Variants in DDHD1 observed in about 807,000 individuals in gnomAD.
DDHD1 encodes the protein phospholipase DDHD1.
DDHD1 carries 49 observed loss-of-function variants against 96.4 expected under a neutral mutation model. The ratio of observed to expected loss-of-function variants is 0.51; its 90% CI spans 0.40 to 0.64. The LOEUF (loss-of-function observed/expected upper bound fraction) is 0.64, where lower values mean the gene tolerates loss of function less well. DDHD1 is among the 30% of genes least tolerant of loss of function. DDHD1 has a pLI of 0.00. For missense variants in DDHD1, 1,106 were observed against 1,161.2 expected (o/e 0.95, Z 0.69); for synonymous variants, 442 against 446.5 (o/e 0.99, Z 0.13).
intron 1 of DDHD1, 50 bp downstream of exon 1, chr14:53,152,211 G>C (rs985039045): frequency 3.4e-5 from 52 of 1,514,450 alleles, no homozygotes; most frequent in Non-Finnish European, 4.4e-5. Context: ...GGTGCGCATC[G>C]GCCCATGCAG....
intron 4 of DDHD1, 45 bp from the exon 5 acceptor site, chr14:53,073,892 A>T: frequency 6.7e-7 from 1 of 1,483,674 alleles, no homozygotes; most frequent in Non-Finnish European, 9.3e-7. Flanking sequence ...CTTTATGAGA[A>T]TAACTTCACA....
chr14:53,119,106 C>T (rs1026590315), intron 1 of DDHD1, among the ~76,000 whole-genome samples: 1 of 152,130 alleles, frequency 6.6e-6, no homozygotes, highest in Non-Finnish European at 1.5e-5. Context: ...TACAGACAAG[C>T]AAATGCTGAG....
chr14:53,052,513 AAAG>A (rs917318448), intron 11 of DDHD1: 3 of 152,244 alleles, frequency 2.0e-5, no homozygotes, highest in South Asian at 2.1e-4. Flanking sequence ...CAAATTTCAG[AAAG>A]AAGATTTAAT....
chr14:53,091,969 T>A, intron 3 of DDHD1, 37 bp from the exon 4 acceptor site: 2 of 1,557,748 alleles, frequency 1.3e-6, no homozygotes, highest in South Asian at 1.2e-5. Context: ...TACTATTTAA[T>A]CTGAGAAATA....
intron 8 of DDHD1, among the ~76,000 whole-genome samples, chr14:53,060,008 A>AT (rs1458759381): frequency 5.3e-5 from 8 of 149,990 alleles, no homozygotes; most frequent in Non-Finnish European, 1.0e-4. Context: ...TATGGTATAT[A>AT]TTTTTTTTAA....
intron 7 of DDHD1, among the ~76,000 whole-genome samples, chr14:53,061,656 C>A (rs1304930251): frequency 6.6e-6 from 1 of 152,000 alleles, no homozygotes; most frequent in Non-Finnish European, 1.5e-5. Flanking sequence ...TGTTGATGAA[C>A]ATCATTTTCA....
chr14:53,092,002 G>T, intron 3 of DDHD1, 70 bp from the exon 4 acceptor site: 1 of 1,437,232 alleles, frequency 7.0e-7, no homozygotes, highest in South Asian at 1.4e-5. Context: ...TATGTTAAAA[G>T]AAAAAAAAGA....
At chr14:53,136,504 A>C (rs1209770591) in intron 1 of DDHD1, among the ~76,000 whole-genome samples, 3 of 152,210 alleles carry the variant, frequency 2.0e-5, no homozygotes, top group Non-Finnish European at 4.4e-5. Context: ...AGTGCCAAAG[A>C]TCTCTAGAAG....
At chr14:53,083,892 C>T (rs1478332774) in intron 4 of DDHD1, among the ~76,000 whole-genome samples, 1 of 152,098 alleles carries the variant, frequency 6.6e-6, no homozygotes, top group Admixed American at 6.5e-5. Flanking sequence ...GATAGCAATG[C>T]TCCTTGTAGT....
intron 6 of DDHD1, among the ~76,000 whole-genome samples, chr14:53,065,053 TTATC>T (rs1220473375): frequency 2.6e-5 from 4 of 152,192 alleles, no homozygotes; most frequent in Non-Finnish European, 2.9e-5. Flanking sequence ...CTTAACTTTA[TTATC>T]TATTAGGTCT....
intron 1 of DDHD1, among the ~76,000 whole-genome samples, chr14:53,132,327 G>A (rs757444975): frequency 6.6e-6 from 1 of 152,046 alleles, no homozygotes; most frequent in Admixed American, 6.6e-5. Flanking sequence ...TACCACACAT[G>A]ACCCCCATGA....
chr14:53,111,641 C>A (rs991395460), intron 1 of DDHD1, among the ~76,000 whole-genome samples: 10 of 151,956 alleles, frequency 6.6e-5, no homozygotes, highest in Non-Finnish European at 8.8e-5. Flanking sequence ...ATTACCCCCC[C>A]CCAAAAAAAT....
At chr14:53,063,730 C>A (rs992175617) in intron 6 of DDHD1, among the ~76,000 whole-genome samples, 5 of 151,940 alleles carry the variant, frequency 3.3e-5, no homozygotes, top group Non-Finnish European at 1.5e-5. Context: ...GAAGAAAAAA[C>A]AAAAGTTGAT....
chr14:53,124,553 A>G (rs1304186490), intron 1 of DDHD1, among the ~76,000 whole-genome samples: 3 of 152,236 alleles, frequency 2.0e-5, no homozygotes, highest in Non-Finnish European at 2.9e-5. Flanking sequence ...AATAACAGTC[A>G]TGCTAAGAAT....
At chr14:53,051,509 G>A (rs1020589377) in intron 12 of DDHD1, among the ~76,000 whole-genome samples, 3 of 151,916 alleles carry the variant, frequency 2.0e-5, no homozygotes, top group African/African-American at 7.2e-5. Context: ...ATATCTAAAT[G>A]TATTAAATGA....
At chr14:53,057,806 G>A (rs1227106657) in intron 9 of DDHD1, among the ~76,000 whole-genome samples, 15 of 152,294 alleles carry the variant, frequency 9.8e-5, no homozygotes, top group Admixed American at 9.2e-4. Context: ...TCAGATAAAT[G>A]AAGTGTTTTC....
At position 53,153,228 on chromosome 14, in the gene DDHD1, G is replaced by A; in HGVS notation, c.-130C>T. 1 of 832,778 alleles carries A rather than the reference G, an allele frequency of 1.2e-6. No homozygotes were observed. Among genetic ancestry groups the A allele is most frequent in the Admixed American group, 4.3e-5 (1 of 23,228 alleles). 51.6% of individuals were successfully genotyped at this position (832,778 alleles called of 1,614,324 possible). A position where few individuals can be genotyped will look rare whatever the true frequency, so the allele number is the denominator to read the frequency against. On this transcript the variant is annotated 5_prime_UTR_variant, in exon 1 of 13. Coordinates refer to ENST00000673822, the MANE Select transcript of DDHD1 (RefSeq NM_001160148.2). Reference sequence around the variant, plus strand: ...CTTTCAAATCCCGACCCGAGCTGCGGCGGCAGCGGCGACCGCTCCGCCCCC... The same window carrying A: ...CTTTCAAATCCCGACCCGAGCTGCGACGGCAGCGGCGACCGCTCCGCCCCC...
At chr14:53,081,005 T>C (rs954577948) in intron 4 of DDHD1, among the ~76,000 whole-genome samples, 11 of 152,230 alleles carry the variant, frequency 7.2e-5, no homozygotes, top group Non-Finnish European at 1.0e-4. Context: ...ATAGTACTTG[T>C]TGAGAAGTCT....
At chr14:53,051,795 T>C (rs1353261755) in intron 12 of DDHD1, 49 bp downstream of exon 12, 2 of 1,446,490 alleles carry the variant, frequency 1.4e-6, no homozygotes, top group Non-Finnish European at 1.9e-6. Flanking sequence ...GAACTCTAAG[T>C]AGATCATTTT....
Sources: allele counts gnomAD v4.1 joint callset (sites outside exome capture counted in the v4.1 genomes callset), GRCh38; gene constraint gnomAD v4.1.1; transcripts MANE v1.5; gene names NCBI Gene and HGNC (gene_info 2026-07-23, HGNC 2026-07-21).